UFD1: variants seen among roughly 807,000 people sequenced by gnomAD.
UFD1 encodes ubiquitin recognition factor in ER associated degradation 1.
In UFD1, 13 loss-of-function variants were observed where a neutral mutation model predicts 45.9. The observed-to-expected ratio is 0.28, with a 90% CI of 0.18 to 0.45. UFD1 has a LOEUF of 0.45. Among genes scored for constraint, UFD1 ranks in the 20% least tolerant of loss-of-function variants. The probability of loss-of-function intolerance (pLI) is 1.00; values close to 1 mark genes in which losing one functional copy is unlikely to be tolerated. For synonymous variants in UFD1, 128 were observed against 139.2 expected, an observed-to-expected ratio of 0.92 and a Z score of 0.56; for missense variants, 218 against 389.2, an observed-to-expected ratio of 0.56 and a Z score of 3.70.
chr22:19,461,764 G>A (rs1017495556), intron 6 of UFD1, among the ~76,000 whole-genome samples: 1 of 151,594 alleles, frequency 6.6e-6, no homozygotes, highest in Middle Eastern at 3.5e-3. Context: ...CCTGGATTAA[G>A]ATTTTTCTGA....
At chr22:19,464,114 G>A (rs950199152) in intron 6 of UFD1, among the ~76,000 whole-genome samples, 2 of 152,174 alleles carry the variant, frequency 1.3e-5, no homozygotes, top group Non-Finnish European at 2.9e-5. Flanking sequence ...GAAACCCAAG[G>A]AACTGAAAAA....
chr22:19,450,560 A>G lies in UFD1; in HGVS notation c.*110T>C. 7.5e-7 allele frequency: 1 copy of G among 1,339,028 alleles called. No individual in the cohort carries two copies. Among genetic ancestry groups the G allele is most frequent in the South Asian group, 1.3e-5 (1 of 79,310 alleles). The allele number at this position is 1,339,028 out of a possible 1,614,324, so 82.9% of individuals were successfully genotyped here. The stretch of plus-strand genomic sequence containing the variant: ...CTTAGGTAACTCTAAATAAATCTTA[A>G]GTAACAGAGTATTCTCTGATGAGGC... On this transcript the variant is annotated 3_prime_UTR_variant, in exon 12 of 12. Coordinates refer to ENST00000263202, the MANE Select transcript of UFD1 (RefSeq NM_005659.7).
chr22:19,477,788 G>C (rs1203372000), intron 1 of UFD1, among the ~76,000 whole-genome samples: 2 of 152,126 alleles, frequency 1.3e-5, no homozygotes, highest in African/African-American at 2.4e-5. Context: ...CAGTTTACTA[G>C]CAACTCCAAA....
chr22:19,478,009 G>A (rs568730659), intron 1 of UFD1, among the ~76,000 whole-genome samples: 1 of 152,312 alleles, frequency 6.6e-6, no homozygotes, highest in Non-Finnish European at 1.5e-5. Flanking sequence ...CCAGAACAGG[G>A]TAGGGGCTTG....
intron 6 of UFD1, among the ~76,000 whole-genome samples, chr22:19,459,050 C>T (rs1346750555): frequency 1.3e-5 from 2 of 152,078 alleles, no homozygotes; most frequent in African/African-American, 4.8e-5. Context: ...TACTGAAGAT[C>T]AAAAACAGAA....
At chr22:19,464,621 G>C (rs1023252204) in intron 6 of UFD1, among the ~76,000 whole-genome samples, 2 of 152,264 alleles carry the variant, frequency 1.3e-5, no homozygotes, top group African/African-American at 2.4e-5. Context: ...TCAGACCTGA[G>C]AGACTTGTGT....
intron 10 of UFD1, among the ~76,000 whole-genome samples, chr22:19,455,217 AG>A (rs963005002): frequency 2.0e-5 from 3 of 152,310 alleles, no homozygotes; most frequent in Admixed American, 6.5e-5. Flanking sequence ...TGGCCACCAG[AG>A]GAAGGGTCTG....
chr22:19,469,058 T>C (rs964422240), intron 4 of UFD1, among the ~76,000 whole-genome samples: 2 of 152,154 alleles, frequency 1.3e-5, no homozygotes, highest in African/African-American at 4.8e-5. Flanking sequence ...GAGGACCCCA[T>C]GCACTCACGC....
chr22:19,465,411 A>G (rs1192240549), intron 5 of UFD1, 137 bp from the exon 6 acceptor site: 2 of 676,266 alleles, frequency 3.0e-6, no homozygotes, highest in African/African-American at 3.6e-5. Flanking sequence ...AATACAATAA[A>G]GTACTACTTG....
intron 6 of UFD1, among the ~76,000 whole-genome samples, chr22:19,463,388 A>G (rs2146296792): frequency 6.6e-6 from 1 of 152,342 alleles, no homozygotes; most frequent in Non-Finnish European, 1.5e-5. Flanking sequence ...GTTGCTCGCT[A>G]TTATAATTCC....
At chr22:19,467,499 C>T (rs752654720) in intron 5 of UFD1, 9 of 196,274 alleles carry the variant, frequency 4.6e-5, no homozygotes, top group African/African-American at 7.1e-5. Context: ...CGGGCCAGTG[C>T]ACAGCTGGGC....
chr22:19,455,827 T>C, intron 9 of UFD1, 59 bp from the exon 10 acceptor site: 1 of 1,506,130 alleles, frequency 6.6e-7, no homozygotes, highest in East Asian at 2.3e-5. Flanking sequence ...ATATGTCCTT[T>C]GCTTGGAGAT....
At chr22:19,459,497 C>T (rs1341619185) in intron 6 of UFD1, among the ~76,000 whole-genome samples, 3 of 152,026 alleles carry the variant, frequency 2.0e-5, no homozygotes, top group Non-Finnish European at 2.9e-5. Context: ...TGCCTGTAGT[C>T]CCAGCTATTC....
rs931269826 is a variant in UFD1 at position 19,450,977 on chromosome 22, A to C, written c.850-233T>G. On this transcript the variant is annotated intron_variant, in intron 11 of 11. Coordinates refer to ENST00000263202, the MANE Select transcript of UFD1 (RefSeq NM_005659.7). ...ATAGTGAGATCCCATCTCTACCAAA[A>C]ATAGCTCAGTGTGGTATGTGCCTAT... 6 of 1,197,458 alleles carry C rather than the reference A, an allele frequency of 5.0e-6. No homozygotes were observed. In the African/African-American group the frequency reaches 9.4e-5, roughly 19 times the overall value. The allele number at this position is 1,197,458 out of a possible 1,614,324, so 74.2% of individuals were successfully genotyped here. A position where few individuals can be genotyped will look rare whatever the true frequency, so the allele number is the denominator to read the frequency against.
At chr22:19,464,365 A>G (rs747712869) in intron 6 of UFD1, among the ~76,000 whole-genome samples, 4 of 152,230 alleles carry the variant, frequency 2.6e-5, no homozygotes, top group Non-Finnish European at 4.4e-5. Flanking sequence ...GCTCTGTGGG[A>G]GGGTCAATTG....
intron 5 of UFD1, chr22:19,467,645 C>T (rs1278364323): frequency 3.5e-6 from 2 of 575,928 alleles, no homozygotes; most frequent in African/African-American, 3.8e-5. Flanking sequence ...TCATTGTGGT[C>T]TCCATGAAGT....
intron 6 of UFD1, among the ~76,000 whole-genome samples, chr22:19,459,021 T>C (rs981971337): frequency 6.6e-6 from 1 of 152,206 alleles, no homozygotes; most frequent in Non-Finnish European, 1.5e-5. Flanking sequence ...GAATAACTCA[T>C]GTAATTTATT....
chr22:19,471,547 C>G, intron 4 of UFD1, 140 bp downstream of exon 4: 1 of 1,301,890 alleles, frequency 7.7e-7, no homozygotes, highest in Non-Finnish European at 1.1e-6. Context: ...GATCCCTTCT[C>G]TCTCGCTGGG....
chr22:19,477,462 G>A (rs1185589985), intron 1 of UFD1, among the ~76,000 whole-genome samples: 2 of 152,154 alleles, frequency 1.3e-5, no homozygotes, highest in African/African-American at 4.8e-5. Flanking sequence ...TTATGAGTCC[G>A]CTTCTAGGAA....
Sources: gnomAD v4.1 joint callset for allele counts (sites outside exome capture counted in the v4.1 genomes callset) on GRCh38, gnomAD v4.1.1 for gene constraint, MANE v1.5 for transcripts, NCBI Gene and HGNC (gene_info 2026-07-23, HGNC 2026-07-21) for gene names.